Variants in TBC1D14 observed in about 807,000 individuals in gnomAD.
The protein encoded by TBC1D14 is TBC1 domain family, member 14.
TBC1D14 carries 26 observed loss-of-function variants against 79.0 expected under a neutral mutation model. That is an observed-to-expected ratio of 0.33 (90% CI 0.24 to 0.46). The LOEUF is 0.46. TBC1D14 is among the 20% of genes least tolerant of loss of function. The probability of loss-of-function intolerance (pLI) is 1.00; values close to 1 mark genes in which losing one functional copy is unlikely to be tolerated. For synonymous variants in TBC1D14, 394 were observed against 349.9 expected (o/e 1.13, Z -1.40); for missense variants, 769 against 887.6 (o/e 0.87, Z 1.70).
chr4:6,946,911 A>G (rs1388095034), intron 2 of TBC1D14, among the ~76,000 whole-genome samples: 1 of 152,218 alleles, frequency 6.6e-6, no homozygotes, highest in Non-Finnish European at 1.5e-5. Context: ...TAGACCCCTC[A>G]TAATTTGTGC....
At chr4:6,972,986 G>A (rs976702698) in intron 3 of TBC1D14, among the ~76,000 whole-genome samples, 3 of 152,204 alleles carry the variant, frequency 2.0e-5, no homozygotes, top group Non-Finnish European at 2.9e-5. Context: ...AGGGATTGAC[G>A]TCGTTGTTGG....
chr4:6,944,599 A>G (rs1246006916), intron 2 of TBC1D14, among the ~76,000 whole-genome samples: 4 of 152,154 alleles, frequency 2.6e-5, no homozygotes, highest in Admixed American at 6.6e-5. Flanking sequence ...TGTTTTACAA[A>G]CGAGCATGCT....
chr4:6,987,055 G>T, intron 3 of TBC1D14: 1 of 690,888 alleles, frequency 1.4e-6, no homozygotes, highest in Non-Finnish European at 1.9e-6. Context: ...CGGCCGGTGG[G>T]GCCGTACCAC....
At chr4:6,986,179 C>T (rs1361115866) in intron 3 of TBC1D14, among the ~76,000 whole-genome samples, 5 of 152,172 alleles carry the variant, frequency 3.3e-5, no homozygotes. Context: ...CCTGGCCTAG[C>T]GTTTTTGAGG....
intron 3 of TBC1D14, among the ~76,000 whole-genome samples, chr4:6,986,201 A>G (rs1717804182): frequency 6.6e-6 from 1 of 152,206 alleles, no homozygotes; most frequent in Non-Finnish European, 1.5e-5. Flanking sequence ...TCATCCATGT[A>G]GGCCCATGTC....
At chr4:6,969,775 A>G (rs1179556337) in intron 3 of TBC1D14, among the ~76,000 whole-genome samples, 1 of 151,052 alleles carries the variant, frequency 6.6e-6, no homozygotes, top group Non-Finnish European at 1.5e-5. Flanking sequence ...TTTTTCTGTG[A>G]ACTGAAATGA....
chr4:6,917,673 G>A lies in TBC1D14; in HGVS notation c.-17-5700G>A, dbSNP rs910417868. Among the ~76,000 whole-genome samples, 4 of 152,218 alleles carry A rather than the reference G, an allele frequency of 2.6e-5. No individual in the cohort carries two copies. In the South Asian group the frequency reaches 6.2e-4, roughly 24 times the overall value. On this transcript the variant is annotated intron_variant, in intron 1 of 13. Coordinates refer to ENST00000409757, the MANE Select transcript of TBC1D14 (RefSeq NM_020773.3). Reference sequence around the variant, plus strand: ...ACGGATCAGGAGGGCCCTGTGTGTCGGCTTGGGGAATTCAGGCTTAGTTTG... The same window carrying A: ...ACGGATCAGGAGGGCCCTGTGTGTCAGCTTGGGGAATTCAGGCTTAGTTTG...
chr4:6,942,947 T>C (rs1577065981), intron 2 of TBC1D14, among the ~76,000 whole-genome samples: 2 of 152,202 alleles, frequency 1.3e-5, no homozygotes, highest in South Asian at 4.1e-4. Context: ...CTGGGACAAA[T>C]ACATTAATAT....
intron 3 of TBC1D14, among the ~76,000 whole-genome samples, chr4:6,967,702 A>T (rs1715824473): frequency 6.6e-6 from 1 of 152,230 alleles, no homozygotes; most frequent in Non-Finnish European, 1.5e-5. Flanking sequence ...AGATGTTTAT[A>T]ACTGTATTTA....
chr4:6,969,571 A>G (rs186436526), intron 3 of TBC1D14, among the ~76,000 whole-genome samples: 2 of 152,024 alleles, frequency 1.3e-5, no homozygotes, highest in Non-Finnish European at 2.9e-5. Flanking sequence ...GCGCCTGGCT[A>G]ACTTTTTGTA....
chr4:7,011,194 G>A (rs151201712), intron 11 of TBC1D14, among the ~76,000 whole-genome samples: 14 of 152,316 alleles, frequency 9.2e-5, no homozygotes, highest in African/African-American at 3.4e-4. Context: ...ACCCTGCTTT[G>A]TGAAGTGTGC....
In TBC1D14 at chr4:7,025,235, G is replaced by A; in HGVS notation, c.1989G>A (p.Met663Ile). 1.2e-6 allele frequency: 2 copies of A among 1,614,246 alleles called. No homozygotes were observed. Among genetic ancestry groups the A allele is most frequent in the Non-Finnish European group, 1.7e-6 (2 of 1,180,042 alleles). The change falls in exon 13 of 14, where the codon ATG becomes ATA. Residue 663 changes from methionine (M) to isoleucine (I), a missense_variant. Physicochemically the swap from Met to Ile is conservative, Grantham distance 10 (BLOSUM62 1). Transcript: ENST00000409757. Reference protein sequence around the residue: ...ELFASIATIQMQSRNKKWAQV... With the variant: ...ELFASIATIQIQSRNKKWAQV... ...TTGCCTCCATCGCCACGATCCAGAT[G>A]CAGAGCCGAAACAAGAAGTGGGCTC... is the stretch of plus-strand genomic sequence containing the variant.
At chr4:6,978,751 A>G (rs927943616) in intron 3 of TBC1D14, among the ~76,000 whole-genome samples, 3 of 151,718 alleles carry the variant, frequency 2.0e-5, no homozygotes, top group Admixed American at 1.3e-4. Flanking sequence ...AAAAAAAAAA[A>G]AAAAAGAAAA....
rs530163717 is a variant in TBC1D14, at chr4:6,923,854, C to T, written c.465C>T (p.Ser155=). The T allele has an allele frequency of 2.5e-5, 41 of 1,614,196 alleles. No individual in the cohort carries two copies. The highest frequency in any genetic ancestry group is 1.8e-4 in the East Asian group (8 of 44,888). The change falls in exon 2 of 14, where the codon TCC becomes TCT. Residue 155 remains serine (S), a synonymous_variant. Coordinates refer to ENST00000409757, the MANE Select transcript of TBC1D14 (RefSeq NM_020773.3). ...SKALTRSDDV[S]VCSVSSLGTE... is the part of the protein sequence containing the mutation. ...CCCTGACCCGCAGCGATGATGTCTC[C>T]GTCTGCAGCGTGTCCAGTCTTGGGA...
At chr4:6,954,312 C>G (rs1166571695) in intron 2 of TBC1D14, 4 of 717,520 alleles carry the variant, frequency 5.6e-6, no homozygotes, top group Non-Finnish European at 1.0e-5. Flanking sequence ...TGATGGCCAT[C>G]TCCCCTGCGC....
chr4:6,962,907 A>G (rs558907774), intron 2 of TBC1D14, among the ~76,000 whole-genome samples: 1 of 152,208 alleles, frequency 6.6e-6, no homozygotes, highest in Admixed American at 6.5e-5. Flanking sequence ...ACACACACAC[A>G]CACGGTGGCT....
chr4:7,009,560 T>A (rs1391707478), intron 9 of TBC1D14, among the ~76,000 whole-genome samples: 1 of 152,170 alleles, frequency 6.6e-6, no homozygotes, highest in Non-Finnish European at 1.5e-5. Context: ...TACCTGGCTC[T>A]CCTGGTGGGC....
chr4:6,990,599 G>T lies in TBC1D14; in HGVS notation c.844-3585G>T, dbSNP rs981973738. Among the ~76,000 whole-genome samples the T allele has an allele frequency of 2.6e-5, 4 of 152,284 alleles. No homozygotes were observed. In the East Asian group the frequency reaches 5.8e-4, roughly 22 times the overall value. ...TTTAAACCAAGAGACTTCAAAATTT[G>T]GTCCCATGCAGAGATGGAACTTGGG... On this transcript the variant is annotated intron_variant, in intron 3 of 13. Coordinates refer to ENST00000409757, the MANE Select transcript of TBC1D14 (RefSeq NM_020773.3).
At chr4:6,984,051 T>C (rs1717606633) in intron 3 of TBC1D14, among the ~76,000 whole-genome samples, 1 of 152,160 alleles carries the variant, frequency 6.6e-6, no homozygotes, top group African/African-American at 2.4e-5. Context: ...CATTTGTTCT[T>C]TTACAGGTCT....
Sources: allele counts gnomAD v4.1 joint callset (sites outside exome capture counted in the v4.1 genomes callset), GRCh38; gene constraint gnomAD v4.1.1; transcripts MANE v1.5; gene names NCBI Gene and HGNC (gene_info 2026-07-23, HGNC 2026-07-21).